Variants in EYS observed in about 807,000 individuals in gnomAD.
EYS encodes the protein protein eyes shut homolog.
A neutral mutation model predicts 282.1 loss-of-function variants in EYS; 250 were observed. The ratio of observed to expected loss-of-function variants is 0.89; its 90% CI spans 0.80 to 0.98. The LOEUF (loss-of-function observed/expected upper bound fraction) is 0.98, where lower values mean the gene tolerates loss of function less well. Among genes scored for constraint, EYS ranks in the 50% least tolerant of loss-of-function variants. The pLI, the probability that EYS is intolerant of heterozygous loss-of-function variation, is 0.00. For missense variants in EYS, 4,016 were observed against 3,709.0 expected (o/e 1.08, Z -2.15); for synonymous variants, 1,355 against 1,282.9 (o/e 1.06, Z -1.20).
intron 15 of EYS, among the ~76,000 whole-genome samples, chr6:64,923,018 T>C (rs936651117): frequency 1.5e-4 from 23 of 152,276 alleles, no homozygotes; most frequent in African/African-American, 5.5e-4. Context: ...TTTACTTTTT[T>C]TGGGGTGGGA....
At position 65,291,502 on chromosome 6, in the gene EYS, A is replaced by G. The variant is rs868127639; in HGVS notation, c.2023+4361T>C. On this transcript the variant is annotated intron_variant, in intron 12 of 42. Coordinates refer to ENST00000503581, the MANE Select transcript of EYS (RefSeq NM_001142800.2). ...GAGGTTGTATATTTATCTTATTGAT[A>G]TACACTGATGGTCAACATTCATGTG... Among the ~76,000 whole-genome samples the G allele has an allele frequency of 2.3e-4, 35 of 151,580 alleles. 1 individual carries two copies. Among genetic ancestry groups the G allele is most frequent in the African/African-American group, 8.2e-4 (34 of 41,352 alleles).
rs1478230848 is a variant in EYS, at chr6:63,864,173, C to T, written c.7228+13G>A. 3 of 1,452,124 alleles carry T rather than the reference C, an allele frequency of 2.1e-6. No individual in the cohort carries two copies. In the East Asian group the frequency reaches 7.6e-5, roughly 37 times the overall value. 90.0% of individuals were successfully genotyped at this position (1,452,124 alleles called of 1,614,324 possible). A position where few individuals can be genotyped will look rare whatever the true frequency, so the allele number is the denominator to read the frequency against. ...CTGTCTGTGCTCCATGTTTAATAAT[C>T]AAATGCTCTTACCATCAGTGCAGAG... On this transcript the variant is annotated intron_variant, in intron 36 of 42. Transcript: ENST00000503581.
intron 13 of EYS, among the ~76,000 whole-genome samples, chr6:65,030,028 G>C (rs1196562258): frequency 1.3e-5 from 2 of 152,122 alleles, no homozygotes; most frequent in Admixed American, 6.5e-5. Flanking sequence ...TGTTTAGAGA[G>C]GTCAGACCTC....
intron 30 of EYS, among the ~76,000 whole-genome samples, chr6:64,256,741 G>A (rs1435850498): frequency 6.6e-6 from 1 of 151,996 alleles, no homozygotes; most frequent in East Asian, 1.9e-4. Context: ...TGTACTACCA[G>A]CTATGAAGGA....
intron 12 of EYS, among the ~76,000 whole-genome samples, chr6:65,142,230 T>A (rs1764363877): frequency 6.6e-6 from 1 of 152,046 alleles, no homozygotes; most frequent in Non-Finnish European, 1.5e-5. Context: ...ATCTAATATA[T>A]TTTATTTCTC....
chr6:65,698,019 T>C (rs989378881), intron 1 of EYS, among the ~76,000 whole-genome samples: 4 of 152,066 alleles, frequency 2.6e-5, no homozygotes, highest in Non-Finnish European at 5.9e-5. Context: ...CAGCTTCCTA[T>C]GAAACATTGT....
chr6:64,229,571 T>C (rs1385205036), intron 31 of EYS, among the ~76,000 whole-genome samples: 3 of 152,220 alleles, frequency 2.0e-5, no homozygotes, highest in South Asian at 2.1e-4. Flanking sequence ...AGAACACTTA[T>C]ATGATGTCTT....
intron 14 of EYS, among the ~76,000 whole-genome samples, chr6:64,958,733 T>TAAAA (rs1769808230): frequency 1.2e-4 from 1 of 8,402 alleles, no homozygotes; most frequent in Non-Finnish European, 3.4e-4. Flanking sequence ...AGACTCCGTC[T>TAAAA]CAAAAAAAAA....
chr6:65,240,468 A>G lies in EYS; in HGVS notation c.2023+55395T>C, dbSNP rs1239231409. 2.6e-5 allele frequency among the ~76,000 whole-genome samples: 4 copies of G among 151,982 alleles called. No individual in the cohort carries two copies. The East Asian group carries it at 7.7e-4, about 29-fold the overall frequency. ...CCCTCTCTAGTAGCTCCCTGTCTCT[A>G]TTGTTCCCATCTTTATGTCCATGTG... On this transcript the variant is annotated intron_variant, in intron 12 of 42. Transcript: ENST00000503581.
chr6:64,617,994 G>A (rs923494225), intron 23 of EYS, among the ~76,000 whole-genome samples: 5 of 152,056 alleles, frequency 3.3e-5, no homozygotes, highest in Non-Finnish European at 7.4e-5. Context: ...TGTGATACTT[G>A]TAGTATTACA....
intron 41 of EYS, among the ~76,000 whole-genome samples, chr6:63,756,665 A>G (rs990786091): frequency 9.9e-5 from 15 of 151,938 alleles, no homozygotes; most frequent in African/African-American, 3.6e-4. Context: ...GTGTTGTGGG[A>G]AGTCAGGACC....
intron 39 of EYS, among the ~76,000 whole-genome samples, chr6:63,783,772 A>G (rs1488093093): frequency 6.6e-6 from 1 of 152,176 alleles, no homozygotes; most frequent in African/African-American, 2.4e-5. Context: ...GCCCTGAGGC[A>G]GGGAAAATAA....
At chr6:65,219,963 G>A (rs900724297) in intron 12 of EYS, among the ~76,000 whole-genome samples, 1 of 152,006 alleles carries the variant, frequency 6.6e-6, no homozygotes, top group African/African-American at 2.4e-5. Context: ...ACAACACATG[G>A]GAATTATGGG....
intron 29 of EYS, among the ~76,000 whole-genome samples, chr6:64,343,496 T>C (rs867859172): frequency 6.6e-6 from 1 of 152,038 alleles, no homozygotes. Flanking sequence ...ATAAAGATGT[T>C]CTTTGAAACC....
intron 5 of EYS, among the ~76,000 whole-genome samples, chr6:65,457,165 TTTTA>T (rs1442622504): frequency 2.7e-5 from 4 of 145,572 alleles, no homozygotes; most frequent in South Asian, 2.2e-4. Context: ...TGTTGTTGTG[TTTTA>T]TTTATTTATT....
chr6:63,930,150 T>C (rs1305221059), intron 35 of EYS, among the ~76,000 whole-genome samples: 1 of 152,156 alleles, frequency 6.6e-6, no homozygotes, highest in African/African-American at 2.4e-5. Flanking sequence ...AAATAATAAG[T>C]ATGTGAAGTG....
intron 22 of EYS, among the ~76,000 whole-genome samples, chr6:64,635,867 T>C (rs1767958991): frequency 6.6e-6 from 1 of 152,222 alleles, no homozygotes; most frequent in East Asian, 1.9e-4. Flanking sequence ...TCCCGCTTTT[T>C]CTATTTATTG....
chr6:65,605,009 ATT>A (rs10626958), intron 2 of EYS, among the ~76,000 whole-genome samples: 4 of 136,638 alleles, frequency 2.9e-5, no homozygotes, highest in Admixed American at 7.5e-5. Flanking sequence ...ATGCCCAGCT[ATT>A]TTTTTTTTTT....
At chr6:65,311,566 AAATT>A (rs1284395245) in intron 11 of EYS, among the ~76,000 whole-genome samples, 1 of 152,214 alleles carries the variant, frequency 6.6e-6, no homozygotes. Context: ...TTTACTAATT[AAATT>A]AATATTTAAT....
Sources: gnomAD v4.1 joint callset for allele counts (sites outside exome capture counted in the v4.1 genomes callset) on GRCh38, gnomAD v4.1.1 for gene constraint, MANE v1.5 for transcripts, NCBI Gene and HGNC (gene_info 2026-07-23, HGNC 2026-07-21) for gene names.